The following IPCEF1 variants were observed in gnomAD, a reference collection of about 807,000 sequenced individuals.
IPCEF1 encodes interaction protein for cytohesin exchange factors 1.
In IPCEF1, 31 loss-of-function variants were observed where a neutral mutation model predicts 50.9. The observed-to-expected ratio is 0.61, with a 90% CI of 0.46 to 0.82. The LOEUF (loss-of-function observed/expected upper bound fraction) is 0.82, where lower values mean the gene tolerates loss of function less well. IPCEF1 is among the 40% of genes least tolerant of loss of function. The pLI, the probability that IPCEF1 is intolerant of heterozygous loss-of-function variation, is 0.00. For missense variants in IPCEF1, 458 were observed against 514.0 expected (o/e 0.89, Z 1.05); for synonymous variants, 181 against 192.0 (o/e 0.94, Z 0.47).
At chr6:154,169,819 C>T (rs1283997543) in intron 10 of IPCEF1, among the ~76,000 whole-genome samples, 5 of 152,210 alleles carry the variant, frequency 3.3e-5, no homozygotes, top group Non-Finnish European at 7.3e-5. Flanking sequence ...TAAACATGTG[C>T]CTCTGGTCAG....
At chr6:154,219,391 G>A (rs1262630700) in intron 7 of IPCEF1, among the ~76,000 whole-genome samples, 1 of 152,144 alleles carries the variant, frequency 6.6e-6, no homozygotes, top group East Asian at 1.9e-4. Context: ...ATGGAAGCTG[G>A]AGCTACAAGG....
At chr6:154,267,952 C>T (rs1562572941) in intron 2 of IPCEF1, among the ~76,000 whole-genome samples, 1 of 152,224 alleles carries the variant, frequency 6.6e-6, no homozygotes, top group Non-Finnish European at 1.5e-5. Flanking sequence ...AGGAAATGCA[C>T]ACAGATTGGT....
chr6:154,163,543 A>G lies in IPCEF1; in HGVS notation c.1105-3503T>C, dbSNP rs377178100. The stretch of plus-strand genomic sequence containing the variant: ...GTCAATTATGTTTGTTTATTCTCCT[A>G]CTAAAACATAAGCTTCCGGAAGGCA... On this transcript the variant is annotated intron_variant, in intron 11 of 11. Transcript: ENST00000367220. 2.2e-4 allele frequency among the ~76,000 whole-genome samples: 33 copies of G among 152,308 alleles called. No homozygotes were observed. In the East Asian group the frequency reaches 4.2e-3, roughly 20 times the overall value.
At chr6:154,265,173 C>T (rs1781722434) in intron 3 of IPCEF1, among the ~76,000 whole-genome samples, 2 of 152,144 alleles carry the variant, frequency 1.3e-5, no homozygotes. Context: ...GCATAAGTTT[C>T]CTTGTCTAAT....
chr6:154,248,340 G>C (rs996906267), intron 3 of IPCEF1, among the ~76,000 whole-genome samples: 1 of 112,092 alleles, frequency 8.9e-6, no homozygotes, highest in African/African-American at 3.3e-5. Context: ...TGTGTGTGTA[G>C]AGAGAGAGAA....
intron 3 of IPCEF1, among the ~76,000 whole-genome samples, chr6:154,249,203 C>T (rs1255769075): frequency 6.6e-6 from 1 of 152,186 alleles, no homozygotes; most frequent in African/African-American, 2.4e-5. Flanking sequence ...CCTCACTTCA[C>T]AAATATCTCC....
intron 2 of IPCEF1, among the ~76,000 whole-genome samples, chr6:154,277,169 G>T (rs945599757): frequency 1.3e-5 from 2 of 152,176 alleles, no homozygotes; most frequent in African/African-American, 4.8e-5. Context: ...TGAATTGAAG[G>T]CTTAAACCAT....
chr6:154,205,157 G>C (rs1363547188), intron 9 of IPCEF1, among the ~76,000 whole-genome samples: 1 of 152,166 alleles, frequency 6.6e-6, no homozygotes, highest in Non-Finnish European at 1.5e-5. Context: ...CATCTTCAGA[G>C]CATTTGTCAG....
chr6:154,179,581 C>T (rs1426808882), intron 10 of IPCEF1, among the ~76,000 whole-genome samples: 1 of 152,142 alleles, frequency 6.6e-6, no homozygotes, highest in African/African-American at 2.4e-5. Context: ...TCCTTCCTTT[C>T]TGGAGCATAT....
chr6:154,211,253 A>G (rs1267359739), intron 9 of IPCEF1, among the ~76,000 whole-genome samples: 1 of 152,010 alleles, frequency 6.6e-6, no homozygotes, highest in Non-Finnish European at 1.5e-5. Context: ...CGTCTCTACT[A>G]AAAATACAAA....
chr6:154,235,697 T>C (rs560009883), intron 5 of IPCEF1, among the ~76,000 whole-genome samples: 4 of 152,180 alleles, frequency 2.6e-5, no homozygotes, highest in African/African-American at 7.2e-5. Flanking sequence ...ACTATTAAAA[T>C]ACACCACCAC....
At chr6:154,166,806 A>G (rs1457953170) in intron 11 of IPCEF1, among the ~76,000 whole-genome samples, 1 of 152,226 alleles carries the variant, frequency 6.6e-6, no homozygotes, top group Non-Finnish European at 1.5e-5. Context: ...ACGCTATGAC[A>G]TATTACATTG....
chr6:154,179,079 G>T (rs1800608746), intron 10 of IPCEF1, among the ~76,000 whole-genome samples: 1 of 152,128 alleles, frequency 6.6e-6, no homozygotes, highest in South Asian at 2.1e-4. Context: ...TTTTATTGTT[G>T]CTAATGGCTG....
intron 5 of IPCEF1, among the ~76,000 whole-genome samples, chr6:154,226,679 A>ATCACAG (rs565771671): frequency 7.5e-4 from 114 of 152,118 alleles, no homozygotes; most frequent in Non-Finnish European, 1.4e-3. Flanking sequence ...TAGTGTCCAA[A>ATCACAG]TCACAGTCAC....
chr6:154,241,388 A>G (rs551361768), intron 5 of IPCEF1, among the ~76,000 whole-genome samples: 1 of 152,312 alleles, frequency 6.6e-6, no homozygotes, highest in South Asian at 2.1e-4. Context: ...ACAAGTATCT[A>G]ATAATTTTAT....
intron 1 of IPCEF1, among the ~76,000 whole-genome samples, chr6:154,326,149 G>A (rs2015786): frequency 0.027 from 4,073 of 151,492 alleles, 89 homozygotes; most frequent in Middle Eastern, 0.054. Flanking sequence ...TTGAGCCCAG[G>A]AGGCAGAGGC....
At chr6:154,329,991 T>C (rs1783619944) in intron 1 of IPCEF1, 1 of 152,450 alleles carries the variant, frequency 6.6e-6, no homozygotes, top group African/African-American at 2.4e-5. Context: ...AACCTGAAGC[T>C]GCCATCTGAG....
chr6:154,272,859 T>A (rs904810336), intron 2 of IPCEF1, among the ~76,000 whole-genome samples: 1 of 152,200 alleles, frequency 6.6e-6, no homozygotes, highest in African/African-American at 2.4e-5. Flanking sequence ...AAGGCTAGCA[T>A]AATCAGTATT....
intron 10 of IPCEF1, among the ~76,000 whole-genome samples, chr6:154,176,628 C>T (rs1800356493): frequency 6.6e-6 from 1 of 152,116 alleles, no homozygotes; most frequent in South Asian, 2.1e-4. Context: ...TGAAGGACCT[C>T]CTCAAGGAGA....
Sources: allele counts gnomAD v4.1 joint callset (sites outside exome capture counted in the v4.1 genomes callset), GRCh38; gene constraint gnomAD v4.1.1; transcripts MANE v1.5; gene names NCBI Gene and HGNC (gene_info 2026-07-23, HGNC 2026-07-21).